The following ENTPD3 variants were observed in gnomAD, a reference collection of about 807,000 sequenced individuals.
ENTPD3 encodes the protein CD39 antigen-like 3.
Under a neutral mutation model 51.2 loss-of-function variants are expected in ENTPD3, and 60 were observed. The ratio of observed to expected loss-of-function variants is 1.17; its 90% CI spans 0.95 to 1.45. The LOEUF (loss-of-function observed/expected upper bound fraction) is 1.45. Ranked by LOEUF, ENTPD3 falls within the 40% of genes most tolerant of loss-of-function variation. The probability of loss-of-function intolerance (pLI) is 0.00; values close to 1 mark genes in which losing one functional copy is unlikely to be tolerated. For synonymous variants in ENTPD3, 221 were observed against 238.4 expected, an observed-to-expected ratio of 0.93 and a Z score of 0.67; for missense variants, 593 against 641.1, an observed-to-expected ratio of 0.93 and a Z score of 0.81.
chr3:40,387,885 TG>T, intron 1 of ENTPD3, 160 bp from the exon 2 acceptor site: 2 of 587,294 alleles, frequency 3.4e-6, no homozygotes, highest in Non-Finnish European at 6.2e-6. Context: ...GCTCCAGCTT[TG>T]GGGCTGTCTC....
chr3:40,397,627 GATAATA>G (rs1343743874), intron 3 of ENTPD3, among the ~76,000 whole-genome samples: 2 of 152,088 alleles, frequency 1.3e-5, no homozygotes, highest in African/African-American at 4.8e-5. Flanking sequence ...TAGTAATAAT[GATAATA>G]ATAATAAACA....
rs994147671 is a variant in ENTPD3 at position 40,427,975 on chromosome 3, C to T, written c.*467C>T. On this transcript the variant is annotated 3_prime_UTR_variant, in exon 11 of 11. Transcript: ENST00000301825. ...AACTAAGACTTTCTTGTAGCAATCT[C>T]GTAAGCAGTGAACCCCCTCAGATCA... is the stretch of plus-strand genomic sequence containing the variant. 6 of 187,826 alleles carry T rather than the reference C, an allele frequency of 3.2e-5. No homozygotes were observed. Among genetic ancestry groups the T allele is most frequent in the South Asian group, 1.1e-4 (1 of 9,344 alleles). The allele number at this position is 187,826 out of a possible 1,614,324, so 11.6% of individuals were successfully genotyped here. A position where few individuals can be genotyped will look rare whatever the true frequency, so the allele number is the denominator to read the frequency against.
chr3:40,425,141 G>A, intron 10 of ENTPD3: 2 of 202,064 alleles, frequency 9.9e-6, no homozygotes, highest in South Asian at 1.7e-4. Flanking sequence ...ATGTAGGCTG[G>A]GCACGGTGGC....
chr3:40,415,867 C>A lies in ENTPD3; in HGVS notation c.625C>A (p.Pro209Thr). 1 of 1,614,050 alleles carries A rather than the reference C, an allele frequency of 6.2e-7. No homozygotes were observed. Among genetic ancestry groups the A allele is most frequent in the Non-Finnish European group, 8.5e-7 (1 of 1,179,960 alleles). Residue 209 changes from proline to threonine, a missense_variant, in exon 7 of 11, where the codon CCG becomes ACG. Coordinates refer to ENST00000301825, the MANE Select transcript of ENTPD3 (RefSeq NM_001248.4). ...EKNLWHMWVH[P>T]HGVETTGALD... Reference sequence around the variant, plus strand: ...GAACCTGTGGCACATGTGGGTGCACCCGCATGGAGTGGAAACCACGGGTGC... The same window carrying A: ...GAACCTGTGGCACATGTGGGTGCACACGCATGGAGTGGAAACCACGGGTGC...
At chr3:40,420,322 G>A (rs1308557915) in intron 7 of ENTPD3, among the ~76,000 whole-genome samples, 1 of 149,476 alleles carries the variant, frequency 6.7e-6, no homozygotes, top group Admixed American at 6.7e-5. Context: ...TGCAAGCTCT[G>A]CCTCTCGGGT....
At chr3:40,409,915 A>G (rs1299428844) in intron 4 of ENTPD3, among the ~76,000 whole-genome samples, 1 of 152,184 alleles carries the variant, frequency 6.6e-6, no homozygotes, top group East Asian at 1.9e-4. Flanking sequence ...ATAGTAAATT[A>G]CCATTTATCT....
At chr3:40,426,088 A>ATCTTTT (rs1403235692) in intron 10 of ENTPD3, among the ~76,000 whole-genome samples, 2 of 148,038 alleles carry the variant, frequency 1.4e-5, no homozygotes, top group Admixed American at 6.8e-5. Flanking sequence ...ACACAGAGAT[A>ATCTTTT]TCTTTTTCTT....
intron 7 of ENTPD3, among the ~76,000 whole-genome samples, chr3:40,418,773 T>C (rs1394977997): frequency 2.6e-5 from 4 of 152,180 alleles, no homozygotes; most frequent in Admixed American, 1.3e-4. Context: ...TGGCTTCATA[T>C]GGTATATATA....
chr3:40,393,493 A>G (rs1043748333), intron 3 of ENTPD3, among the ~76,000 whole-genome samples: 1 of 152,162 alleles, frequency 6.6e-6, no homozygotes, highest in African/African-American at 2.4e-5. Flanking sequence ...AGAAACTAAT[A>G]TTGTTTTGGA....
chr3:40,427,210 C>G, intron 10 of ENTPD3, 62 bp from the exon 11 acceptor site: 3 of 1,327,864 alleles, frequency 2.3e-6, no homozygotes, highest in Non-Finnish European at 2.2e-6. Context: ...AGTATGACTC[C>G]GGTATGTGAT....
intron 2 of ENTPD3, among the ~76,000 whole-genome samples, chr3:40,389,761 T>C (rs917077544): frequency 1.3e-5 from 2 of 152,194 alleles, no homozygotes; most frequent in Admixed American, 6.5e-5. Context: ...GTAGCAAATG[T>C]TGTGATGTGA....
At chr3:40,392,268 A>G in intron 3 of ENTPD3, 118 bp downstream of exon 3, 1 of 1,242,606 alleles carries the variant, frequency 8.0e-7, no homozygotes. Context: ...CTCTGGCTGA[A>G]GCCAGGAGAA....
At chr3:40,424,150 T>G (rs1955939022) in intron 10 of ENTPD3, 187 bp downstream of exon 10, 1 of 985,230 alleles carries the variant, frequency 1.0e-6, no homozygotes, top group Non-Finnish European at 1.2e-6. Flanking sequence ...TGCTCATGGG[T>G]ATACATTCTC....
Position 40,415,869 on chromosome 3 carries a change from G to T in ENTPD3, c.627G>T (p.Pro209=), listed in dbSNP as rs747176542. ...EKNLWHMWVH[P]HGVETTGALD... ...ACCTGTGGCACATGTGGGTGCACCC[G>T]CATGGAGTGGAAACCACGGGTGCCC... Residue 209 remains proline, a synonymous_variant, in exon 7 of 11, where the codon CCG becomes CCT. Transcript: ENST00000301825. The T allele has an allele frequency of 3.7e-6, 6 of 1,613,926 alleles. No individual in the cohort carries two copies. In the South Asian group the frequency reaches 6.6e-5, roughly 18 times the overall value.
chr3:40,421,076 T>G (rs571257673), intron 7 of ENTPD3, among the ~76,000 whole-genome samples: 1 of 149,442 alleles, frequency 6.7e-6, no homozygotes, highest in African/African-American at 2.5e-5. Flanking sequence ...CAGGCTGGAG[T>G]GTAATGGTGC....
rs185624749 is a variant in ENTPD3 at position 40,392,431 on chromosome 3, G to A, written c.168+281G>A. ...AAGCTAAAATTTGTAACCAAGAGTT[G>A]CAGATAGCTATCAAAGATTTACCAG... On this transcript the variant is annotated intron_variant, in intron 3 of 10. Transcript: ENST00000301825. 1.5e-4 allele frequency: 56 copies of A among 369,894 alleles called. No individual in the cohort carries two copies. In the East Asian group the frequency reaches 3.0e-3, roughly 19 times the overall value. The allele number at this position is 369,894 out of a possible 1,614,324, so 22.9% of individuals were successfully genotyped here.
At position 40,415,866 on chromosome 3, in the gene ENTPD3, C is replaced by T; in HGVS notation, c.624C>T (p.His208=). The T allele has an allele frequency of 2.5e-6, 4 of 1,614,028 alleles. No homozygotes were observed. The highest frequency in any genetic ancestry group is 3.4e-6 in the Non-Finnish European group (4 of 1,179,956). ...AGAACCTGTGGCACATGTGGGTGCA[C>T]CCGCATGGAGTGGAAACCACGGGTG... ...LEKNLWHMWV[H]PHGVETTGAL... Residue 208 remains histidine, a synonymous_variant, in exon 7 of 11, where the codon CAC becomes CAT. Coordinates refer to ENST00000301825, the MANE Select transcript of ENTPD3 (RefSeq NM_001248.4).
At chr3:40,388,641 G>A (rs11920596) in intron 2 of ENTPD3, among the ~76,000 whole-genome samples, 11,025 of 144,684 alleles carry the variant, frequency 0.076, 961 homozygotes, top group African/African-American at 0.21. Context: ...AGCTTGCCCC[G>A]CCTGCCTCTA....
In ENTPD3 at chr3:40,411,769, G is replaced by C. The variant is rs775537583; in HGVS notation, c.287-43G>C. 2.6e-6 allele frequency: 4 copies of C among 1,530,586 alleles called. No homozygotes were observed. In the East Asian group the frequency reaches 7.1e-5, roughly 27 times the overall value. 94.8% of individuals were successfully genotyped at this position (1,530,586 alleles called of 1,614,324 possible). On this transcript the variant is annotated intron_variant, in intron 4 of 10. Coordinates refer to ENST00000301825, the MANE Select transcript of ENTPD3 (RefSeq NM_001248.4). ...ATTTAAAAGTTGTATCACTGCGATTGGTTCCTGGAAATGCTGACAGATGCT... is the reference window on the plus strand; with the variant it reads ...ATTTAAAAGTTGTATCACTGCGATTCGTTCCTGGAAATGCTGACAGATGCT...
Sources: allele counts gnomAD v4.1 joint callset (sites outside exome capture counted in the v4.1 genomes callset), GRCh38; gene constraint gnomAD v4.1.1; transcripts MANE v1.5; gene names NCBI Gene and HGNC (gene_info 2026-07-23, HGNC 2026-07-21).